PRKG1: variants seen among roughly 807,000 people sequenced by gnomAD.
The protein encoded by PRKG1 is protein kinase cGMP-dependent 1, also known as cGMP-dependent protein kinase 1.
In PRKG1, 35 loss-of-function variants were observed where a neutral mutation model predicts 88.1. The observed-to-expected ratio is 0.40, with a 90% CI of 0.30 to 0.53. PRKG1 has a LOEUF of 0.53. Among genes scored for constraint, PRKG1 ranks in the 20% least tolerant of loss-of-function variants. The probability of loss-of-function intolerance (pLI) is 0.59; values close to 1 mark genes in which losing one functional copy is unlikely to be tolerated. For synonymous variants in PRKG1, 303 were observed against 292.5 expected (o/e 1.04, Z -0.37); for missense variants, 540 against 839.8 (o/e 0.64, Z 4.41).
intron 5 of PRKG1, among the ~76,000 whole-genome samples, chr10:51,926,404 G>T (rs184820621): frequency 6.6e-6 from 1 of 152,218 alleles, no homozygotes; most frequent in Admixed American, 6.5e-5. Context: ...AGCAAGCTTT[G>T]TCTTTTGTTT....
chr10:51,759,770 G>T (rs1233043300), intron 3 of PRKG1, among the ~76,000 whole-genome samples: 1 of 151,976 alleles, frequency 6.6e-6, no homozygotes, highest in Admixed American at 6.6e-5. Flanking sequence ...GTGTGCATGT[G>T]TGTATGTGTG....
rs201933877 is a variant in PRKG1 at position 51,392,199 on chromosome 10, T to C, written c.479-75524T>C. Among the ~76,000 whole-genome samples the C allele has an allele frequency of 2.9e-4, 44 of 151,938 alleles. No individual in the cohort carries two copies. The East Asian group carries it at 8.5e-3, about 29-fold the overall frequency. On this transcript the variant is annotated intron_variant, in intron 2 of 17. Coordinates refer to ENST00000373980, the MANE Select transcript of PRKG1 (RefSeq NM_006258.4). ...CGCAGAGGGGGATTTGGCAGGGTCA[T>C]AGGACAATAATGGAGGGAGGGTCAG...
At chr10:51,164,408 C>T (rs996566503) in intron 2 of PRKG1, among the ~76,000 whole-genome samples, 1 of 152,168 alleles carries the variant, frequency 6.6e-6, no homozygotes, top group Non-Finnish European at 1.5e-5. Context: ...ACATCACCAT[C>T]ATCAAAGACC....
intron 2 of PRKG1, among the ~76,000 whole-genome samples, chr10:51,206,706 C>T (rs1015907474): frequency 6.6e-6 from 1 of 152,272 alleles, no homozygotes; most frequent in Non-Finnish European, 1.5e-5. Context: ...GCCTTGATCA[C>T]TCTTGTGTGA....
At chr10:51,822,116 CAT>C (rs1034024745) in intron 4 of PRKG1, among the ~76,000 whole-genome samples, 2 of 151,566 alleles carry the variant, frequency 1.3e-5, no homozygotes, top group African/African-American at 2.4e-5. Context: ...TATATACACA[CAT>C]ATATATAACA....
At chr10:52,220,324 A>G (rs1319716024) in intron 9 of PRKG1, among the ~76,000 whole-genome samples, 1 of 152,112 alleles carries the variant, frequency 6.6e-6, no homozygotes, top group Non-Finnish European at 1.5e-5. Flanking sequence ...CCTAACAACT[A>G]GCACCAGCTT....
At chr10:51,371,020 C>T (rs1013881624) in intron 2 of PRKG1, among the ~76,000 whole-genome samples, 4 of 152,052 alleles carry the variant, frequency 2.6e-5, no homozygotes, top group Non-Finnish European at 4.4e-5. Context: ...GTTTCCTTCT[C>T]ATTTGTCCGC....
intron 7 of PRKG1, among the ~76,000 whole-genome samples, chr10:52,131,755 G>A (rs1324790047): frequency 7.1e-6 from 1 of 140,808 alleles, no homozygotes; most frequent in Non-Finnish European, 1.5e-5. Flanking sequence ...CTGGGAGACG[G>A]AGGTTGCAGT....
intron 5 of PRKG1, among the ~76,000 whole-genome samples, chr10:51,993,372 G>A (rs1047692287): frequency 6.6e-6 from 1 of 151,888 alleles, no homozygotes; most frequent in African/African-American, 2.4e-5. Context: ...TAACAAAAGG[G>A]ACAGAAATTT....
At chr10:51,893,891 T>C (rs1841780511) in intron 4 of PRKG1, among the ~76,000 whole-genome samples, 1 of 152,218 alleles carries the variant, frequency 6.6e-6, no homozygotes, top group South Asian at 2.1e-4. Flanking sequence ...CCTGTTACTA[T>C]TTACTACAAA....
chr10:51,963,456 T>C (rs1843493871), intron 5 of PRKG1, among the ~76,000 whole-genome samples: 1 of 152,050 alleles, frequency 6.6e-6, no homozygotes, highest in Non-Finnish European at 1.5e-5. Context: ...TTTTTATTTT[T>C]ATTTATTTAT....
intron 1 of PRKG1, among the ~76,000 whole-genome samples, chr10:51,009,812 C>A (rs551159790): frequency 7.9e-5 from 12 of 152,104 alleles, no homozygotes; most frequent in Non-Finnish European, 1.5e-4. Context: ...ATGCATTGTT[C>A]AATATGGAAT....
In PRKG1 at chr10:52,192,324, T is replaced by A. The variant is rs183959393; in HGVS notation, c.1076+30361T>A. 3.9e-5 allele frequency among the ~76,000 whole-genome samples: 6 copies of A among 152,300 alleles called. No homozygotes were observed. The East Asian group carries it at 9.6e-4, about 24-fold the overall frequency. On this transcript the variant is annotated intron_variant, in intron 9 of 17. Transcript: ENST00000373980. The stretch of plus-strand genomic sequence containing the variant: ...TTTCTCAAGTAACCCTTATTTCTTT[T>A]AGCCAGAAATGGTACTAAGTAAGTA...
At chr10:51,423,864 GT>G in intron 2 of PRKG1, among the ~76,000 whole-genome samples, 1 of 152,012 alleles carries the variant, frequency 6.6e-6, no homozygotes. Context: ...ATGAATAGTA[GT>G]TTTACTTAGG....
intron 2 of PRKG1, among the ~76,000 whole-genome samples, chr10:51,411,284 A>T (rs2132687745): frequency 6.6e-6 from 1 of 152,338 alleles, no homozygotes; most frequent in East Asian, 1.9e-4. Context: ...TACAGGCCTG[A>T]GCCACGGCAA....
rs188532543 is a variant in PRKG1, at chr10:51,799,245, G to A, written c.593-5340G>A. ...GGAATCATTTGCTTTAAACCCTTCC[G>A]TGCCCCCCTCTTCATTGGCCTCAGT... is the stretch of plus-strand genomic sequence containing the variant. On this transcript the variant is annotated intron_variant, in intron 3 of 17. Transcript: ENST00000373980. Among the ~76,000 whole-genome samples, 10 of 151,966 alleles carry A rather than the reference G, an allele frequency of 6.6e-5. No individual in the cohort carries two copies. The East Asian group carries it at 7.7e-4, about 12-fold the overall frequency.
intron 17 of PRKG1, among the ~76,000 whole-genome samples, chr10:52,292,941 T>C (rs1842288447): frequency 6.6e-6 from 1 of 152,048 alleles, no homozygotes; most frequent in Admixed American, 6.6e-5. Flanking sequence ...AAATAAAGGG[T>C]ATTCAATTAG....
chr10:51,754,766 G>A (rs889504918), intron 3 of PRKG1, among the ~76,000 whole-genome samples: 2 of 152,110 alleles, frequency 1.3e-5, no homozygotes, highest in Non-Finnish European at 2.9e-5. Context: ...TAACTTTTAG[G>A]TTAGAGCTGC....
chr10:51,945,213 C>T (rs1276881049), intron 5 of PRKG1, among the ~76,000 whole-genome samples: 2 of 147,930 alleles, frequency 1.4e-5, no homozygotes, highest in Non-Finnish European at 1.5e-5. Flanking sequence ...TATGTAATGG[C>T]CTTCTTTGTC....
Sources: gnomAD v4.1 joint callset for allele counts (sites outside exome capture counted in the v4.1 genomes callset) on GRCh38, gnomAD v4.1.1 for gene constraint, MANE v1.5 for transcripts, NCBI Gene and HGNC (gene_info 2026-07-23, HGNC 2026-07-21) for gene names.